The following ANKRD36 variants were observed in gnomAD, a reference collection of about 807,000 sequenced individuals.
ANKRD36 encodes the protein ankyrin repeat domain 36, also known as ankyrin repeat domain-containing protein 36A.
A neutral mutation model predicts 278.1 loss-of-function variants in ANKRD36; 179 were observed. The observed-to-expected ratio is 0.64, with a 90% confidence interval of 0.57 to 0.73. The LOEUF (loss-of-function observed/expected upper bound fraction) is 0.73, where lower values mean the gene tolerates loss of function less well. ANKRD36 is among the 30% of genes least tolerant of loss of function. ANKRD36 has a pLI of 0.00. For synonymous variants in ANKRD36, 320 were observed against 641.1 expected (o/e 0.50, Z 7.57); for missense variants, 1,159 against 1,956.7 (o/e 0.59, Z 7.69).
intron 40 of ANKRD36, among the ~76,000 whole-genome samples, chr2:97,195,947 A>G (rs1299381749): frequency 1.3e-5 from 2 of 151,978 alleles, no homozygotes; most frequent in African/African-American, 4.8e-5. Context: ...TGAGTGGATG[A>G]AGAAACATTT....
At chr2:97,138,265 A>G (rs893153814) in intron 6 of ANKRD36, among the ~76,000 whole-genome samples, 5 of 152,120 alleles carry the variant, frequency 3.3e-5, no homozygotes, top group African/African-American at 1.2e-4. Context: ...TACAAAGTCA[A>G]TGTGCAAAAT....
At chr2:97,174,093 G>A (rs549304786) in intron 22 of ANKRD36, among the ~76,000 whole-genome samples, 1 of 151,178 alleles carries the variant, frequency 6.6e-6, no homozygotes, top group African/African-American at 2.4e-5. Context: ...AAGAAAAGAA[G>A]TCTCTAGTGA....
At chr2:97,191,592 G>A (rs72947013) in intron 36 of ANKRD36, among the ~76,000 whole-genome samples, 3,009 of 151,742 alleles carry the variant, frequency 0.02, 135 homozygotes, top group African/African-American at 0.068. Context: ...TGTAGAAGGA[G>A]ACCTACGGAG....
At position 97,204,117 on chromosome 2, in the gene ANKRD36, A is replaced by G. The variant is rs571278416; in HGVS notation, c.2988+21A>G. ...TGAAGGTAATGAAACTGTCGTTTAT[A>G]TTGTGAACTAGTAAATGTATAGTCT... is the stretch of plus-strand genomic sequence containing the variant. On this transcript the variant is annotated intron_variant, in intron 49 of 75. Transcript: ENST00000420699. 4.2e-4 allele frequency: 664 copies of G among 1,574,476 alleles called. 10 individuals are homozygous for G. The East Asian group carries it at 0.015, about 36-fold the overall frequency.
At chr2:97,117,999 A>G in intron 1 of ANKRD36, 65 bp from the exon 2 acceptor site, 1 of 1,526,576 alleles carries the variant, frequency 6.6e-7, no homozygotes, top group Non-Finnish European at 8.8e-7. Flanking sequence ...TTTTGAAGAC[A>G]GAGAAATGAC....
chr2:97,160,077 C>T (rs1441934781), intron 17 of ANKRD36, among the ~76,000 whole-genome samples: 1 of 152,250 alleles, frequency 6.6e-6, no homozygotes, highest in East Asian at 1.9e-4. Flanking sequence ...GCCACCACGC[C>T]TAGCCATTTC....
rs938263015 is a variant in ANKRD36, at chr2:97,149,280, C to G, written c.1035-15C>G. ...ATGAATGAGCTCATTTTTGTAATAT[C>G]TTTTTGCTCTGTAGGAGTCTCTACA... is the stretch of plus-strand genomic sequence containing the variant. On this transcript the variant is annotated splice_polypyrimidine_tract_variant and intron_variant, in intron 11 of 75. Coordinates refer to ENST00000420699, the MANE Select transcript of ANKRD36 (RefSeq NM_001354587.1). 3 of 1,531,336 alleles carry G rather than the reference C, an allele frequency of 2.0e-6. No individual in the cohort carries two copies. The highest frequency in any genetic ancestry group is 3.9e-5 in the Admixed American group (2 of 50,676). The allele number at this position is 1,531,336 out of a possible 1,614,324, so 94.9% of individuals were successfully genotyped here.
chr2:97,142,819 A>G lies in ANKRD36; in HGVS notation c.885A>G (p.Gly295=), dbSNP rs551610867. ...ATATAGCCACAGAAATAAAGGATGG[A>G]CAAAAATCTGGGACAGGTATTTTGG... The part of the protein sequence containing the change: ...ISNIATEIKD[G]QKSGTVSSQK... Residue 295 remains glycine (G), a synonymous_variant, in exon 8 of 76, where the codon GGA becomes GGG. Coordinates refer to ENST00000420699, the MANE Select transcript of ANKRD36 (RefSeq NM_001354587.1). The G allele has an allele frequency of 1.4e-3, 2,161 of 1,564,390 alleles. 14 individuals are homozygous for G. Among genetic ancestry groups the G allele is most frequent in the Non-Finnish European group, 1.1e-3 (1,255 of 1,154,692 alleles).
At chr2:97,262,812 C>T (rs1371607495) in intron 75 of ANKRD36, among the ~76,000 whole-genome samples, 11 of 134,426 alleles carry the variant, frequency 8.2e-5, no homozygotes, top group Admixed American at 1.6e-4. Flanking sequence ...GTGTGTCATA[C>T]CCGTTGTCTC....
At chr2:97,185,767 T>C (rs62154802) in intron 30 of ANKRD36, among the ~76,000 whole-genome samples, 2 of 151,672 alleles carry the variant, frequency 1.3e-5, no homozygotes, top group Admixed American at 6.6e-5. Context: ...ACATAAGGGG[T>C]TCAGGGGACA....
At chr2:97,162,779 C>T (rs1334909065) in intron 18 of ANKRD36, among the ~76,000 whole-genome samples, 64 of 141,090 alleles carry the variant, frequency 4.5e-4, no homozygotes, top group South Asian at 1.1e-3. Context: ...CTGGGATGCA[C>T]TTGGATATCA....
intron 6 of ANKRD36, among the ~76,000 whole-genome samples, chr2:97,132,781 G>A (rs2153431829): frequency 6.6e-6 from 1 of 152,128 alleles, no homozygotes; most frequent in South Asian, 2.1e-4. Context: ...GGCAAGTCTT[G>A]GGGAAGCCAG....
At chr2:97,223,559 GTCTA>G (rs1229399741) in intron 66 of ANKRD36, among the ~76,000 whole-genome samples, 3 of 127,172 alleles carry the variant, frequency 2.4e-5, no homozygotes, top group Non-Finnish European at 3.2e-5. Flanking sequence ...TTCTACAACT[GTCTA>G]TCTAAGCTGA....
In ANKRD36 at chr2:97,158,608, G is replaced by A; in HGVS notation, c.1342G>A (p.Asp448Asn). The A allele has an allele frequency of 1.3e-6, 2 of 1,533,302 alleles. No homozygotes were observed. Among genetic ancestry groups the A allele is most frequent in the Non-Finnish European group, 1.7e-6 (2 of 1,145,748 alleles). The allele number at this position is 1,533,302 out of a possible 1,614,324, so 95.0% of individuals were successfully genotyped here. Residue 448 changes from aspartate (D) to asparagine (N), a missense_variant, in exon 17 of 76, where the codon GAC becomes AAC. Transcript: ENST00000420699. ...AENLDAACGI[D>N]KTENGNMFED... is the part of the protein sequence containing the mutation. ...TGTAGTAGATGCTGCATGTGGCATT[G>A]ACAAAACAGAAAATGGAAACATGTT...
intron 20 of ANKRD36, among the ~76,000 whole-genome samples, 171 bp from the exon 21 acceptor site, chr2:97,167,405 TC>T (rs1356243863): frequency 0.013 from 2 of 158 alleles, no homozygotes; most frequent in African/African-American, 0.034. Flanking sequence ...CCTTCTGGGG[TC>T]CTATTTGGTC....
At chr2:97,149,399 G>A (rs1427964919) in intron 12 of ANKRD36, 38 bp downstream of exon 12, 2 of 1,451,432 alleles carry the variant, frequency 1.4e-6, no homozygotes, top group Non-Finnish European at 1.8e-6. Context: ...TTCTCCCTCT[G>A]AATCTCATTT....
intron 46 of ANKRD36, among the ~76,000 whole-genome samples, chr2:97,201,385 T>C (rs546574756): frequency 6.6e-6 from 1 of 151,928 alleles, no homozygotes; most frequent in African/African-American, 2.4e-5. Flanking sequence ...GCATTCCAAT[T>C]AAGTCCTAGA....
chr2:97,208,236 G>A (rs1374306396), intron 54 of ANKRD36, among the ~76,000 whole-genome samples: 1 of 146,692 alleles, frequency 6.8e-6, no homozygotes, highest in Non-Finnish European at 1.5e-5. Context: ...GAAGAATTAT[G>A]GAGAGCAGTT....
intron 6 of ANKRD36, among the ~76,000 whole-genome samples, chr2:97,139,790 T>C (rs540861213): frequency 6.6e-6 from 1 of 152,188 alleles, no homozygotes; most frequent in East Asian, 1.9e-4. Flanking sequence ...AAATCCAGTG[T>C]GTGCTTTTCA....
Sources: gnomAD v4.1 joint callset for allele counts (sites outside exome capture counted in the v4.1 genomes callset) on GRCh38, gnomAD v4.1.1 for gene constraint, MANE v1.5 for transcripts, NCBI Gene and HGNC (gene_info 2026-07-23, HGNC 2026-07-21) for gene names.